Variants in WWP2 observed in about 807,000 individuals in gnomAD.
WWP2 encodes the protein WW domain containing E3 ubiquitin protein ligase 2, also known as NEDD4-like E3 ubiquitin-protein ligase WWP2.
A neutral mutation model predicts 121.0 loss-of-function variants in WWP2; 57 were observed. That is an observed-to-expected ratio of 0.47 (90% CI 0.38 to 0.59). WWP2 has a LOEUF of 0.59. Ranked by LOEUF, WWP2 falls within the 20% of genes least tolerant of loss-of-function variation. The pLI, the probability that WWP2 is intolerant of heterozygous loss-of-function variation, is 0.00. For synonymous variants in WWP2, 449 were observed against 441.3 expected (o/e 1.02, Z -0.22); for missense variants, 962 against 1,158.9 (o/e 0.83, Z 2.47).
At chr16:69,830,184 C>T (rs377708325) in intron 4 of WWP2, among the ~76,000 whole-genome samples, 5 of 152,056 alleles carry the variant, frequency 3.3e-5, no homozygotes, top group Admixed American at 6.6e-5. Context: ...TGAACTCCAG[C>T]GCTCAGGCGA....
At chr16:69,878,383 A>G (rs951027117) in intron 7 of WWP2, among the ~76,000 whole-genome samples, 1 of 152,200 alleles carries the variant, frequency 6.6e-6, no homozygotes, top group Non-Finnish European at 1.5e-5. Flanking sequence ...ACATAGTGCA[A>G]CTCAACAAAA....
chr16:69,820,580 C>T lies in WWP2; in HGVS notation c.341-19546C>T, dbSNP rs779263415. 3.0e-5 allele frequency among the ~76,000 whole-genome samples: 4 copies of T among 131,318 alleles called. 1 individual carries two copies. The highest frequency in any genetic ancestry group is 8.0e-5 in the Admixed American group (1 of 12,574). 86.1% of individuals were successfully genotyped at this position (131,318 alleles called of 152,430 possible). ...AAAAAAAAAAAAAAATAGGACCACA[C>T]GTATTGTATATTGTGGCCTTGAAAA... On this transcript the variant is annotated intron_variant, in intron 4 of 23. Transcript: ENST00000359154.
In WWP2 at chr16:69,799,774, C is replaced by T. The variant is rs532871374; in HGVS notation, c.340+479C>T. Among the ~76,000 whole-genome samples, 7 of 152,262 alleles carry T rather than the reference C, an allele frequency of 4.6e-5. No homozygotes were observed. Among genetic ancestry groups the T allele is most frequent in the African/African-American group, 1.2e-4 (5 of 41,552 alleles). The stretch of plus-strand genomic sequence containing the variant: ...TTACAAATAGTGCCCTGTGCTTACT[C>T]GGCACTCAGTAAACATTTACTGGAT... On this transcript the variant is annotated intron_variant, in intron 4 of 23. Coordinates refer to ENST00000359154, the MANE Select transcript of WWP2 (RefSeq NM_001270454.2). The surrounding 1 kb of genome is among the most constrained non-coding windows in gnomAD (Gnocchi z 4.5).
intron 15 of WWP2, 85 bp downstream of exon 15, chr16:69,931,665 A>G: frequency 6.3e-7 from 1 of 1,588,542 alleles, no homozygotes; most frequent in Non-Finnish European, 8.6e-7. Flanking sequence ...TGTTAAACCC[A>G]CACTGCAGAC....
chr16:69,836,404 A>G (rs1222267878), intron 4 of WWP2, among the ~76,000 whole-genome samples: 1 of 152,028 alleles, frequency 6.6e-6, no homozygotes, highest in Non-Finnish European at 1.5e-5. Context: ...TCATGGTATC[A>G]TTTAATGTTT....
At chr16:69,872,854 A>G (rs2057666383) in intron 7 of WWP2, among the ~76,000 whole-genome samples, 1 of 152,144 alleles carries the variant, frequency 6.6e-6, no homozygotes, top group South Asian at 2.1e-4. Flanking sequence ...TTTCAAAACA[A>G]CTCATTTTCC....
intron 6 of WWP2, among the ~76,000 whole-genome samples, chr16:69,858,891 CT>C (rs2057367188): frequency 6.6e-6 from 1 of 152,132 alleles, no homozygotes; most frequent in African/African-American, 2.4e-5. Flanking sequence ...ATTAGGATCA[CT>C]GGAATGCTGC....
intron 4 of WWP2, among the ~76,000 whole-genome samples, chr16:69,802,574 A>G (rs548028773): frequency 2.1e-4 from 31 of 149,768 alleles, no homozygotes; most frequent in African/African-American, 6.6e-4. Context: ...TCATGTTGTA[A>G]CATGCGTCAG....
intron 7 of WWP2, among the ~76,000 whole-genome samples, chr16:69,886,326 T>G (rs2057923673): frequency 6.6e-6 from 1 of 152,154 alleles, no homozygotes; most frequent in South Asian, 2.1e-4. Flanking sequence ...ATCCTCCTGC[T>G]TCAGGCTCCC....
intron 8 of WWP2, among the ~76,000 whole-genome samples, chr16:69,896,045 C>T (rs777975409): frequency 6.6e-6 from 1 of 152,132 alleles, no homozygotes; most frequent in Non-Finnish European, 1.5e-5. Context: ...CTACTGTTGT[C>T]GGAGGCTGGG....
chr16:69,777,211 C>G (rs1189173171), intron 1 of WWP2, among the ~76,000 whole-genome samples: 1 of 147,258 alleles, frequency 6.8e-6, no homozygotes, highest in Non-Finnish European at 1.5e-5. Context: ...ATGGAGATAT[C>G]ATATATGCAC....
intron 2 of WWP2, among the ~76,000 whole-genome samples, chr16:69,790,558 G>A (rs2055887688): frequency 6.6e-6 from 1 of 151,958 alleles, no homozygotes; most frequent in African/African-American, 2.4e-5. Context: ...AAGGTCAACT[G>A]TATGATGTTT....
At chr16:69,798,037 C>T (rs1396409090) in intron 2 of WWP2, among the ~76,000 whole-genome samples, 1 of 152,186 alleles carries the variant, frequency 6.6e-6, no homozygotes, top group East Asian at 1.9e-4. Flanking sequence ...GTCTTTACAC[C>T]ATGCGTTTTT....
At chr16:69,853,928 A>G (rs941748341) in intron 6 of WWP2, among the ~76,000 whole-genome samples, 1 of 152,182 alleles carries the variant, frequency 6.6e-6, no homozygotes, top group South Asian at 2.1e-4. Flanking sequence ...AGCAGGGTTT[A>G]TGGAACATTG....
intron 1 of WWP2, among the ~76,000 whole-genome samples, chr16:69,781,100 C>T (rs1039000684): frequency 5.9e-5 from 9 of 151,856 alleles, no homozygotes; most frequent in African/African-American, 2.2e-4. Flanking sequence ...AGTTTGTATA[C>T]AACCCCTGAA....
intron 4 of WWP2, among the ~76,000 whole-genome samples, chr16:69,803,720 C>A (rs1429622901): frequency 6.6e-6 from 1 of 152,090 alleles, no homozygotes; most frequent in Non-Finnish European, 1.5e-5. Context: ...CCAGCCTAGC[C>A]AATATGGTGA....
At chr16:69,775,808 G>A (rs2055514163) in intron 1 of WWP2, among the ~76,000 whole-genome samples, 1 of 152,164 alleles carries the variant, frequency 6.6e-6, no homozygotes, top group African/African-American at 2.4e-5. Flanking sequence ...AAGAAAGCTG[G>A]ACATGATGTA....
chr16:69,851,628 G>A (rs528584007), intron 6 of WWP2, among the ~76,000 whole-genome samples: 2 of 152,060 alleles, frequency 1.3e-5, no homozygotes, highest in African/African-American at 4.8e-5. Context: ...CCAAGTTTTG[G>A]CAATGATGAA....
intron 8 of WWP2, among the ~76,000 whole-genome samples, chr16:69,896,727 ATTT>A (rs377065935): frequency 0.014 from 2,059 of 143,266 alleles, 48 homozygotes; most frequent in African/African-American, 0.049. Flanking sequence ...GCTTGTGTGT[ATTT>A]TTTTTTTTTT....
Sources: allele counts gnomAD v4.1 joint callset (sites outside exome capture counted in the v4.1 genomes callset), GRCh38; gene constraint gnomAD v4.1.1; non-coding constraint Gnocchi (gnomAD v3.1); transcripts MANE v1.5; gene names NCBI Gene and HGNC (gene_info 2026-07-23, HGNC 2026-07-21).